Variants in DEPTOR observed in about 807,000 individuals in gnomAD.
DEPTOR encodes DEP domain-containing mTOR-interacting protein.
A neutral mutation model predicts 41.6 loss-of-function variants in DEPTOR; 41 were observed. The ratio of observed to expected loss-of-function variants is 0.98; its 90% CI spans 0.77 to 1.28. The LOEUF is 1.28. Among genes scored for constraint, DEPTOR ranks in the 50% most tolerant of loss-of-function variants. The pLI is 0.00. For missense variants in DEPTOR, 514 were observed against 527.9 expected (o/e 0.97, Z 0.26); for synonymous variants, 195 against 192.3 (o/e 1.01, Z -0.12).
chr8:119,900,933 T>G (rs1827582436), intron 1 of DEPTOR, among the ~76,000 whole-genome samples: 1 of 152,124 alleles, frequency 6.6e-6, no homozygotes, highest in Non-Finnish European at 1.5e-5. Context: ...AGGCATAGAG[T>G]AGAATATAAA....
intron 1 of DEPTOR, among the ~76,000 whole-genome samples, chr8:119,878,542 T>G (rs1208136007): frequency 1.3e-5 from 2 of 151,426 alleles, no homozygotes; most frequent in Non-Finnish European, 2.9e-5. Context: ...TTGGCCAGAA[T>G]GGTCTCGATC....
intron 1 of DEPTOR, among the ~76,000 whole-genome samples, chr8:119,915,913 T>C (rs1827804451): frequency 7.4e-6 from 1 of 135,234 alleles, no homozygotes. Context: ...TAATTGCCAA[T>C]CAATTTTTCC....
intron 8 of DEPTOR, among the ~76,000 whole-genome samples, chr8:120,025,249 A>G (rs1424897573): frequency 1.3e-5 from 2 of 152,242 alleles, no homozygotes; most frequent in Non-Finnish European, 2.9e-5. Flanking sequence ...ATATTTTGGC[A>G]TATTTGGACA....
chr8:119,953,664 G>A (rs190139349), intron 3 of DEPTOR, among the ~76,000 whole-genome samples: 57 of 152,066 alleles, frequency 3.7e-4, no homozygotes, highest in African/African-American at 1.1e-3. Context: ...AGACTCAGTG[G>A]GGAAACCCAG....
chr8:120,002,776 CAAAA>C lies in DEPTOR; in HGVS notation c.791-188_791-185del, dbSNP rs1173820465. Among the ~76,000 whole-genome samples the C allele has an allele frequency of 5.7e-4, 31 of 54,444 alleles. 2 individuals carry two copies. Among genetic ancestry groups the C allele is most frequent in the African/African-American group, 2.1e-3 (28 of 13,540 alleles). The allele number at this position is 54,444 out of a possible 152,430, so 35.7% of individuals were successfully genotyped here. On this transcript the variant is annotated intron_variant, in intron 5 of 8. Transcript: ENST00000286234. The stretch of plus-strand genomic sequence containing the variant: ...TGTGCAACAGGGCAAGACTCCATCT[CAAAA>C]AAAAAAAAAAAATATATATATATAT...
intron 1 of DEPTOR, among the ~76,000 whole-genome samples, chr8:119,919,915 A>G (rs1395218850): frequency 6.6e-6 from 1 of 152,194 alleles, no homozygotes; most frequent in Non-Finnish European, 1.5e-5. Context: ...TCAGATGGAC[A>G]GTGATTTTGC....
Position 119,998,723 on chromosome 8 carries a change from G to A in DEPTOR, c.605-2802G>A, listed in dbSNP as rs184398858. 7.5e-4 allele frequency among the ~76,000 whole-genome samples: 114 copies of A among 152,208 alleles called. 2 individuals carry two copies. The highest frequency in any genetic ancestry group is 2.2e-3 in the African/African-American group (93 of 41,542). On this transcript the variant is annotated intron_variant, in intron 4 of 8. Transcript: ENST00000286234. ...ATAAATGGTATAGAATTGGATGTAC[G>A]TCCAGACTAATAGTCATACATGAGC...
At chr8:120,008,904 G>A in intron 7 of DEPTOR, 125 bp from the exon 8 acceptor site, 3 of 814,008 alleles carry the variant, frequency 3.7e-6, no homozygotes, top group Non-Finnish European at 6.0e-6. Context: ...TGGCAGGGAA[G>A]AGAGAAACGG....
At chr8:119,941,373 C>CAAAA (rs749120675) in intron 3 of DEPTOR, among the ~76,000 whole-genome samples, 30 of 39,934 alleles carry the variant, frequency 7.5e-4, no homozygotes, top group African/African-American at 2.7e-3. Context: ...ATCTCCATCT[C>CAAAA]AAAAAAAAAA....
intron 5 of DEPTOR, among the ~76,000 whole-genome samples, 186 bp from the exon 6 acceptor site, chr8:120,002,791 A>AAAAAATATATATATATATATAT: frequency 6.6e-5 from 4 of 60,668 alleles, no homozygotes; most frequent in Non-Finnish European, 8.6e-5. Flanking sequence ...AAAAAAAAAA[A>AAAAAATATATATATATATATAT]ATATATATAT....
chr8:119,971,336 C>T (rs1255558735), intron 4 of DEPTOR, among the ~76,000 whole-genome samples: 1 of 152,016 alleles, frequency 6.6e-6, no homozygotes. Flanking sequence ...CCAGGAGAAC[C>T]AGAGTGATTA....
chr8:119,955,615 T>C (rs1158142619), intron 3 of DEPTOR, among the ~76,000 whole-genome samples: 2 of 152,020 alleles, frequency 1.3e-5, no homozygotes, highest in African/African-American at 2.4e-5. Flanking sequence ...TACAGGCATG[T>C]GCCACCACGC....
At chr8:119,972,045 A>T (rs1268851265) in intron 4 of DEPTOR, among the ~76,000 whole-genome samples, 1 of 152,224 alleles carries the variant, frequency 6.6e-6, no homozygotes, top group Non-Finnish European at 1.5e-5. Flanking sequence ...GGCCAGCCCC[A>T]TAAGCCGGCC....
chr8:119,883,454 G>A (rs1450554041), intron 1 of DEPTOR, among the ~76,000 whole-genome samples: 1 of 136,926 alleles, frequency 7.3e-6, no homozygotes, highest in Non-Finnish European at 1.5e-5. Flanking sequence ...CAGCCTGGGC[G>A]ACAGAGCGAG....
intron 3 of DEPTOR, among the ~76,000 whole-genome samples, chr8:119,940,139 C>T (rs764547418): frequency 3.3e-5 from 5 of 151,990 alleles, no homozygotes; most frequent in South Asian, 2.1e-4. Context: ...ATCGCTTGAA[C>T]GCAGGAGGTG....
At chr8:119,936,095 G>C (rs1187286553) in intron 3 of DEPTOR, among the ~76,000 whole-genome samples, 2 of 150,958 alleles carry the variant, frequency 1.3e-5, no homozygotes, top group African/African-American at 4.9e-5. Context: ...TCCTGCTTAG[G>C]AGTTTAGACC....
Position 119,877,477 on chromosome 8 carries a change from C to T in DEPTOR, c.122+3509C>T, listed in dbSNP as rs562999651. 1.7e-4 allele frequency among the ~76,000 whole-genome samples: 26 copies of T among 152,336 alleles called. No homozygotes were observed. The South Asian group carries it at 5.4e-3, about 32-fold the overall frequency. ...GAGTTCTTCTGTCTGTAGCTCCCCTCTCACTGCAGGATTGTAAGTGCTTTG... is the reference window on the plus strand; with the variant it reads ...GAGTTCTTCTGTCTGTAGCTCCCCTTTCACTGCAGGATTGTAAGTGCTTTG... On this transcript the variant is annotated intron_variant, in intron 1 of 8. Coordinates refer to ENST00000286234, the MANE Select transcript of DEPTOR (RefSeq NM_022783.4).
intron 3 of DEPTOR, among the ~76,000 whole-genome samples, chr8:119,932,147 A>AT (rs926014699): frequency 1.3e-4 from 19 of 147,230 alleles, no homozygotes; most frequent in East Asian, 2.0e-4. Flanking sequence ...ATGTCCAGCT[A>AT]TTTTTTTTTT....
At chr8:119,973,319 T>C (rs1828657145) in intron 4 of DEPTOR, among the ~76,000 whole-genome samples, 1 of 151,994 alleles carries the variant, frequency 6.6e-6, no homozygotes, top group African/African-American at 2.4e-5. Context: ...ACTGCAGCCT[T>C]GACCTCCCAG....
Sources: allele counts gnomAD v4.1 joint callset (sites outside exome capture counted in the v4.1 genomes callset), GRCh38; gene constraint gnomAD v4.1.1; transcripts MANE v1.5; gene names NCBI Gene and HGNC (gene_info 2026-07-23, HGNC 2026-07-21).